Variants in BMP5 observed in about 807,000 individuals in gnomAD.
BMP5 encodes bone morphogenetic protein 5.
Under a neutral mutation model 46.6 loss-of-function variants are expected in BMP5, and 23 were observed. That is an observed-to-expected ratio of 0.49 (90% CI 0.35 to 0.70). BMP5 has a LOEUF of 0.70. Ranked by LOEUF, BMP5 falls within the 30% of genes least tolerant of loss-of-function variation. The probability of loss-of-function intolerance (pLI) is 0.00; values close to 1 mark genes in which losing one functional copy is unlikely to be tolerated. For synonymous variants in BMP5, 204 were observed against 191.9 expected, an observed-to-expected ratio of 1.06 and a Z score of -0.52; for missense variants, 545 against 565.6, an observed-to-expected ratio of 0.96 and a Z score of 0.37.
chr6:55,784,022 C>A (rs1040707725), intron 3 of BMP5, among the ~76,000 whole-genome samples: 13 of 151,862 alleles, frequency 8.6e-5, no homozygotes, highest in African/African-American at 2.9e-4. Flanking sequence ...TTTTTAGTTG[C>A]GATGCTGAAC....
At chr6:55,799,058 C>G (rs576782945) in intron 2 of BMP5, among the ~76,000 whole-genome samples, 1 of 152,210 alleles carries the variant, frequency 6.6e-6, no homozygotes, top group Non-Finnish European at 1.5e-5. Flanking sequence ...TTATCAATAT[C>G]AATCTAGTGC....
intron 4 of BMP5, among the ~76,000 whole-genome samples, chr6:55,769,178 C>T (rs1453873671): frequency 1.3e-5 from 2 of 151,856 alleles, no homozygotes; most frequent in African/African-American, 2.4e-5. Context: ...ATTGACTCTT[C>T]CTTTCACAAA....
At chr6:55,803,458 G>C (rs535139240) in intron 2 of BMP5, among the ~76,000 whole-genome samples, 1 of 152,288 alleles carries the variant, frequency 6.6e-6, no homozygotes, top group South Asian at 2.1e-4. Context: ...TTGGGAATTT[G>C]TTTGGGGCTG....
chr6:55,848,758 G>A (rs888429620), intron 1 of BMP5, among the ~76,000 whole-genome samples: 1 of 151,922 alleles, frequency 6.6e-6, no homozygotes, highest in Non-Finnish European at 1.5e-5. Context: ...TTCTAAATAT[G>A]AGCCAGGTAT....
chr6:55,785,321 A>T (rs2127525649), intron 3 of BMP5, among the ~76,000 whole-genome samples: 1 of 151,996 alleles, frequency 6.6e-6, no homozygotes, highest in South Asian at 2.1e-4. Context: ...AAAATTCTAT[A>T]TGGCTAATAA....
rs756674533 is a variant in BMP5, at chr6:55,819,718, T to C, written c.620A>G (p.Asn207Ser). 1.9e-6 allele frequency: 3 copies of C among 1,613,892 alleles called. No individual in the cohort carries two copies. Among genetic ancestry groups the C allele is most frequent in the Non-Finnish European group, 1.7e-6 (2 of 1,179,898 alleles). ...CTTAATTGTTTCATTTTCAAATCGG[T>C]TGTTGCTCCGGTCCTTGTATATCCG... The part of the protein sequence containing the change: ...EFRIYKDRSN[N>S]RFENETIKIS... Residue 207 changes from asparagine (N) to serine (S), a missense_variant, in exon 2 of 7, where the codon AAC becomes AGC. Asn to Ser is a conservative substitution (Grantham distance 46). Coordinates refer to ENST00000370830, the MANE Select transcript of BMP5 (RefSeq NM_021073.4).
At chr6:55,849,882 C>G (rs1443318052) in intron 1 of BMP5, among the ~76,000 whole-genome samples, 1 of 151,998 alleles carries the variant, frequency 6.6e-6, no homozygotes, top group East Asian at 1.9e-4. Flanking sequence ...CTATTTCTAT[C>G]CTACCCTTGA....
chr6:55,834,570 T>C (rs1339846564), intron 1 of BMP5, among the ~76,000 whole-genome samples: 1 of 152,164 alleles, frequency 6.6e-6, no homozygotes, highest in South Asian at 2.1e-4. Flanking sequence ...ATTTAGATTA[T>C]GGCTATAAAA....
chr6:55,817,587 C>T (rs938097198), intron 2 of BMP5, among the ~76,000 whole-genome samples: 12 of 151,288 alleles, frequency 7.9e-5, no homozygotes, highest in Non-Finnish European at 1.5e-4. Context: ...ACATCACACA[C>T]TGGGGACTGT....
chr6:55,783,709 C>T (rs1212808103), intron 3 of BMP5, among the ~76,000 whole-genome samples: 1 of 151,486 alleles, frequency 6.6e-6, no homozygotes, highest in Non-Finnish European at 1.5e-5. Context: ...AAATATTTAC[C>T]CCACAGATCA....
intron 1 of BMP5, among the ~76,000 whole-genome samples, chr6:55,837,536 A>C (rs1350177028): frequency 6.6e-6 from 1 of 152,124 alleles, no homozygotes; most frequent in Non-Finnish European, 1.5e-5. Flanking sequence ...GATACATAGT[A>C]GGTGTATATA....
intron 4 of BMP5, among the ~76,000 whole-genome samples, chr6:55,773,508 T>A (rs942434161): frequency 2.8e-4 from 34 of 119,708 alleles, no homozygotes; most frequent in Admixed American, 1.2e-3. Flanking sequence ...TGTGTGTGTG[T>A]GTGTGTGTGT....
chr6:55,777,630 G>C (rs1368541287), intron 3 of BMP5, among the ~76,000 whole-genome samples: 3 of 151,962 alleles, frequency 2.0e-5, no homozygotes, highest in African/African-American at 7.2e-5. Flanking sequence ...GGCATAGCTA[G>C]AACAGTGATA....
intron 4 of BMP5, among the ~76,000 whole-genome samples, chr6:55,770,539 G>A (rs1170928424): frequency 6.6e-6 from 1 of 151,706 alleles, no homozygotes; most frequent in African/African-American, 2.4e-5. Context: ...AAACGATTTC[G>A]CTTTCTTATC....
chr6:55,874,947 C>A lies in BMP5; in HGVS notation c.-82G>T, dbSNP rs1777875862. On this transcript the variant is annotated 5_prime_UTR_variant, in exon 1 of 7. Coordinates refer to ENST00000370830, the MANE Select transcript of BMP5 (RefSeq NM_021073.4). ...AAAAAACCTAAGGTTCTAGGAGGTACAGTTTCCCAGTAGCTGAAAAAACAA... is the reference window on the plus strand; with the variant it reads ...AAAAAACCTAAGGTTCTAGGAGGTAAAGTTTCCCAGTAGCTGAAAAAACAA... 1.3e-6 allele frequency: 2 copies of A among 1,514,864 alleles called. No homozygotes were observed. The highest frequency in any genetic ancestry group is 1.8e-6 in the Non-Finnish European group (2 of 1,120,962). 93.8% of individuals were successfully genotyped at this position (1,514,864 alleles called of 1,614,324 possible).
At chr6:55,823,395 T>C (rs1050601189) in intron 1 of BMP5, among the ~76,000 whole-genome samples, 1 of 152,000 alleles carries the variant, frequency 6.6e-6, no homozygotes, top group Non-Finnish European at 1.5e-5. Flanking sequence ...TGGGTCAAAA[T>C]CTAGTCATCT....
At chr6:55,870,560 A>G (rs974724285) in intron 1 of BMP5, among the ~76,000 whole-genome samples, 1 of 152,104 alleles carries the variant, frequency 6.6e-6, no homozygotes, top group African/African-American at 2.4e-5. Context: ...GGGTGTGTTT[A>G]TGTTACACAA....
At chr6:55,824,698 A>G (rs1051552593) in intron 1 of BMP5, among the ~76,000 whole-genome samples, 2 of 150,840 alleles carry the variant, frequency 1.3e-5, no homozygotes, top group Non-Finnish European at 2.9e-5. Flanking sequence ...GTGTGAGAAT[A>G]GAAAGAGTGT....
intron 1 of BMP5, among the ~76,000 whole-genome samples, chr6:55,822,793 T>G (rs1228902454): frequency 6.6e-6 from 1 of 152,052 alleles, no homozygotes; most frequent in Non-Finnish European, 1.5e-5. Context: ...AATTTCAGTT[T>G]TCTAATCCAA....
Sources: gnomAD v4.1 joint callset for allele counts (sites outside exome capture counted in the v4.1 genomes callset) on GRCh38, gnomAD v4.1.1 for gene constraint, MANE v1.5 for transcripts, NCBI Gene and HGNC (gene_info 2026-07-23, HGNC 2026-07-21) for gene names.